Variants in SYNE2 observed in about 807,000 individuals in gnomAD.
The protein encoded by SYNE2 is spectrin repeat containing nuclear envelope protein 2, also known as nesprin-2.
Under a neutral mutation model 856.3 loss-of-function variants are expected in SYNE2, and 431 were observed. That is an observed-to-expected ratio of 0.50 (90% CI 0.47 to 0.55). The LOEUF (loss-of-function observed/expected upper bound fraction) is 0.55, where lower values mean the gene tolerates loss of function less well. Among genes scored for constraint, SYNE2 ranks in the 20% least tolerant of loss-of-function variants. SYNE2 has a pLI of 0.00. For missense variants in SYNE2, 8,129 were observed against 8,023.2 expected (o/e 1.01, Z -0.50); for synonymous variants, 2,923 against 2,872.3 (o/e 1.02, Z -0.56).
In SYNE2 at chr14:64,209,459, T is replaced by C. The variant is rs1596242821; in HGVS notation, c.18421T>C (p.Phe6141Leu). ...IEETWRLWQK[F>L]LDDYSRFEDW... ...GGAGACGTGGCGCCTGTGGCAGAAG[T>C]TTTTAGACGACTATTCTCGCTTTGA... The change falls in exon 102 of 116, where the codon TTT becomes CTT. Residue 6141 changes from phenylalanine to leucine, a missense_variant. Around this residue, in one of 3 missense-constraint regions of SYNE2, gnomAD observed 5,410 missense variants for 5,284.8 expected, o/e 1.02. Coordinates refer to ENST00000555002, the MANE Select transcript of SYNE2 (RefSeq NM_182914.3). 6.2e-7 allele frequency: 1 copy of C among 1,614,118 alleles called. No homozygotes were observed. The highest frequency in any genetic ancestry group is 1.3e-5 in the African/African-American group (1 of 75,034).
intron 11 of SYNE2, among the ~76,000 whole-genome samples, chr14:63,973,270 G>A (rs893909722): frequency 6.6e-6 from 1 of 151,928 alleles, no homozygotes; most frequent in Non-Finnish European, 1.5e-5. Flanking sequence ...AAAAATTTAC[G>A]ATAAAGAAAT....
At chr14:64,035,515 ATTTTTTT>A (rs35030710) in intron 45 of SYNE2, among the ~76,000 whole-genome samples, 9 of 121,714 alleles carry the variant, frequency 7.4e-5, no homozygotes, top group South Asian at 5.2e-4. Context: ...TACATGGTAC[ATTTTTTT>A]TTTTTTTTTT....
At chr14:64,054,935 TTAAA>T (rs2097257407) in intron 48 of SYNE2, among the ~76,000 whole-genome samples, 3 of 152,248 alleles carry the variant, frequency 2.0e-5, no homozygotes, top group Non-Finnish European at 4.4e-5. Context: ...CCTATATTCC[TTAAA>T]TAGTTTTGTA....
chr14:64,221,183 C>G (rs1332104344), intron 111 of SYNE2, among the ~76,000 whole-genome samples: 1 of 152,158 alleles, frequency 6.6e-6, no homozygotes, highest in Non-Finnish European at 1.5e-5. Flanking sequence ...GCACCACTGC[C>G]TAGCTCTGGC....
intron 8 of SYNE2, chr14:63,960,871 C>A (rs1256329904): frequency 8.1e-6 from 5 of 620,020 alleles, no homozygotes; most frequent in African/African-American, 7.4e-5. Context: ...ATAGAGAGAC[C>A]CTGTCTAAAA....
intron 54 of SYNE2, among the ~76,000 whole-genome samples, chr14:64,077,067 A>G (rs1357056559): frequency 1.3e-5 from 2 of 152,182 alleles, no homozygotes; most frequent in Non-Finnish European, 2.9e-5. Flanking sequence ...CTAGCAGAGT[A>G]AATTAATAAT....
chr14:63,815,471 T>C (rs1321582571), intron 1 of SYNE2, among the ~76,000 whole-genome samples: 2 of 151,976 alleles, frequency 1.3e-5, no homozygotes, highest in Non-Finnish European at 2.9e-5. Flanking sequence ...CTGCTTTATA[T>C]GCTAGTTGTG....
rs955470146 is a variant in SYNE2, at chr14:63,983,738, A to G, written c.2003A>G (p.Glu668Gly). 3.1e-6 allele frequency: 5 copies of G among 1,611,446 alleles called. No individual in the cohort carries two copies. The African/African-American group carries it at 6.7e-5, about 22-fold the overall frequency. ...ATTTCATGAAATTATTTTGTATAGGAAATGAACCTGCCACTGATGATAAAA... is the reference window on the plus strand; with the variant it reads ...ATTTCATGAAATTATTTTGTATAGGGAATGAACCTGCCACTGATGATAAAA... ...WRKLVSKTQLEMNLPLMIKKQ... is the reference protein window; with the variant it reads ...WRKLVSKTQLGMNLPLMIKKQ... Residue 668 changes from glutamate (E) to glycine (G), a missense_variant and splice_region_variant, in exon 18 of 116, where the codon GAA (glutamate) becomes GGA (glycine). Glu to Gly is a moderately conservative substitution (Grantham distance 98). This residue lies in a region of SYNE2 where 2,422 missense variants were observed against 2,357.4 expected (regional missense o/e 1.03). Coordinates refer to ENST00000555002, the MANE Select transcript of SYNE2 (RefSeq NM_182914.3).
At chr14:64,137,649 C>CTATA in intron 78 of SYNE2, 138 bp from the exon 79 acceptor site, 1 of 880,424 alleles carries the variant, frequency 1.1e-6, no homozygotes, top group Non-Finnish European at 1.8e-6. Context: ...TCCAGTCAGA[C>CTATA]TATATAGTCT....
In SYNE2 at chr14:64,021,460, C is replaced by A; in HGVS notation, c.5297C>A (p.Ser1766Tyr). ...QAKTQIGMTE[S>Y]LLKALSPSDS... ...AAGACCCAGATCGGGATGACTGAAT[C>A]CCTCTTAAAAGCCCTGTCTCCTTCT... Residue 1766 changes from serine (S) to tyrosine (Y), a missense_variant, in exon 36 of 116, where the codon TCC becomes TAC. Around this residue, in one of 3 missense-constraint regions of SYNE2, gnomAD observed 2,422 missense variants for 2,357.4 expected, o/e 1.03. Coordinates refer to ENST00000555002, the MANE Select transcript of SYNE2 (RefSeq NM_182914.3). 1 of 1,614,082 alleles carries A rather than the reference C, an allele frequency of 6.2e-7. No homozygotes were observed. Among genetic ancestry groups the A allele is most frequent in the Non-Finnish European group, 8.5e-7 (1 of 1,180,014 alleles).
chr14:63,910,543 G>C (rs2095460631), intron 2 of SYNE2, among the ~76,000 whole-genome samples: 1 of 152,176 alleles, frequency 6.6e-6, no homozygotes, highest in Non-Finnish European at 1.5e-5. Flanking sequence ...ATGGAATCAA[G>C]CTTTCATTTA....
intron 1 of SYNE2, among the ~76,000 whole-genome samples, chr14:63,765,245 A>G (rs773032667): frequency 4.3e-4 from 65 of 152,336 alleles, no homozygotes; most frequent in Middle Eastern, 6.8e-3. Flanking sequence ...CAGAAGGGCA[A>G]GGGATGGATC....
At chr14:63,899,419 C>T (rs941874640) in intron 1 of SYNE2, among the ~76,000 whole-genome samples, 1 of 152,154 alleles carries the variant, frequency 6.6e-6, no homozygotes, top group African/African-American at 2.4e-5. Flanking sequence ...CCAGGCTGGT[C>T]TTGAACTCCT....
chr14:64,077,118 A>G (rs990529157), intron 54 of SYNE2, among the ~76,000 whole-genome samples: 1 of 152,138 alleles, frequency 6.6e-6, no homozygotes, highest in African/African-American at 2.4e-5. Flanking sequence ...AATTTCCGCT[A>G]TGACCCTCTA....
intron 51 of SYNE2, 76 bp downstream of exon 51, chr14:64,065,726 T>G: frequency 6.5e-7 from 1 of 1,533,210 alleles, no homozygotes; most frequent in South Asian, 1.2e-5. Context: ...TCACCTTGTT[T>G]TTCTATAAAA....
At chr14:64,187,639 C>T (rs149612516) in intron 97 of SYNE2, among the ~76,000 whole-genome samples, 23 of 152,256 alleles carry the variant, frequency 1.5e-4, no homozygotes, top group Middle Eastern at 3.4e-3. Context: ...AGTATTTTCT[C>T]CTCCGAAAAG....
At chr14:64,219,683 G>A (rs190824906) in intron 110 of SYNE2, among the ~76,000 whole-genome samples, 16 of 152,268 alleles carry the variant, frequency 1.1e-4, no homozygotes, top group African/African-American at 3.4e-4. Context: ...TCTGACATCC[G>A]AGGCATTTCT....
chr14:63,804,895 A>G (rs1255728867), intron 1 of SYNE2, among the ~76,000 whole-genome samples: 1 of 152,174 alleles, frequency 6.6e-6, no homozygotes, highest in Non-Finnish European at 1.5e-5. Flanking sequence ...TAAGCCTTTA[A>G]TCTATCTTGA....
intron 1 of SYNE2, among the ~76,000 whole-genome samples, chr14:63,891,692 C>T (rs1004524962): frequency 1.3e-5 from 2 of 151,872 alleles, no homozygotes; most frequent in Non-Finnish European, 2.9e-5. Context: ...ATATATGATT[C>T]GGGGCTGTAG....
Sources: gnomAD v4.1 joint callset for allele counts (sites outside exome capture counted in the v4.1 genomes callset) on GRCh38, gnomAD v4.1.1 for gene constraint, gnomAD v4.1.1 regional missense constraint, MANE v1.5 for transcripts, NCBI Gene and HGNC (gene_info 2026-07-23, HGNC 2026-07-21) for gene names.